The following FOXE1 variants were observed in gnomAD, a reference collection of about 807,000 sequenced individuals.
FOXE1 encodes the protein forkhead box E1.
FOXE1 carries 4 observed loss-of-function variants against 2.1 expected under a neutral mutation model. The ratio of observed to expected loss-of-function variants is 1.91; its 90% confidence interval spans 0.94 to 4.37. FOXE1 has a LOEUF of 4.37. Among genes scored for constraint, FOXE1 ranks in the 30% most tolerant of loss-of-function variants. The pLI is 0.01. For synonymous variants in FOXE1, 277 were observed against 272.4 expected (o/e 1.02, Z -0.17); for missense variants, 574 against 583.3 (o/e 0.98, Z 0.16).
In FOXE1 at chr9:97,855,166, C is replaced by A; in HGVS notation, c.*130C>A. On this transcript the variant is annotated 3_prime_UTR_variant, in exon 1 of 1. Transcript: ENST00000375123. ...GAAAAGACCGAGCAGGCCACAGAGGCTCGGTCTCCCCGCGCACAGCGTAGG... is the reference window on the plus strand; with the variant it reads ...GAAAAGACCGAGCAGGCCACAGAGGATCGGTCTCCCCGCGCACAGCGTAGG... The A allele has an allele frequency of 8.4e-7, 1 of 1,194,754 alleles. No individual in the cohort carries two copies. The highest frequency in any genetic ancestry group is 2.6e-5 in the East Asian group (1 of 39,214). 74.0% of individuals were successfully genotyped at this position (1,194,754 alleles called of 1,614,324 possible). A position where few individuals can be genotyped will look rare whatever the true frequency, so the allele number is the denominator to read the frequency against.
chr9:97,854,604 G>T lies in FOXE1; in HGVS notation c.690G>T (p.Arg230=). 1 of 1,359,600 alleles carries T rather than the reference G, an allele frequency of 7.4e-7. No individual in the cohort carries two copies. Among genetic ancestry groups the T allele is most frequent in the Non-Finnish European group, 9.4e-7 (1 of 1,062,830 alleles). 84.2% of individuals were successfully genotyped at this position (1,359,600 alleles called of 1,614,324 possible). ...GCGTCTTCGGCCTGGTTCCTGAGCG[G>T]CCGCTCAGCCCAGAGCTGGGGCCCG... is the stretch of plus-strand genomic sequence containing the variant. ...PCRVFGLVPE[R]PLSPELGPAP... is the part of the protein sequence containing the mutation. Residue 230 remains arginine (R), a synonymous_variant, in exon 1 of 1, where the codon CGG becomes CGT. Coordinates refer to ENST00000375123, the MANE Select transcript of FOXE1 (RefSeq NM_004473.4).
Position 97,853,607 on chromosome 9 carries a change from C to T in FOXE1, c.-308C>T, listed in dbSNP as rs1830619530. 2 of 327,330 alleles carry T rather than the reference C, an allele frequency of 6.1e-6. No homozygotes were observed. The highest frequency in any genetic ancestry group is 4.3e-5 in the African/African-American group (2 of 46,406). The allele number at this position is 327,330 out of a possible 1,614,324, so 20.3% of individuals were successfully genotyped here. A position where few individuals can be genotyped will look rare whatever the true frequency, so the allele number is the denominator to read the frequency against. ...ACCAGCGCGCAAGGGACCCTTCAGC[C>T]GGAGACCAGAGTCCAGTCCCGGTCA... On this transcript the variant is annotated 5_prime_UTR_variant, in exon 1 of 1. Transcript: ENST00000375123.
rs762497081 is a variant in FOXE1 at position 97,854,978 on chromosome 9, A to G, written c.1064A>G (p.His355Arg). 6.8e-6 allele frequency: 11 copies of G among 1,606,516 alleles called. No homozygotes were observed. The highest frequency in any genetic ancestry group is 8.5e-6 in the Non-Finnish European group (10 of 1,179,956). ...GGAGGGGCCAGTGCAGGCGCCTACC[A>G]TGCTCGCCATGCTGCCGCTTATCCC... is the stretch of plus-strand genomic sequence containing the variant. Reference protein sequence around the residue: ...QLGGASAGAYHARHAAAYPGG... With the variant: ...QLGGASAGAYRARHAAAYPGG... Residue 355 changes from histidine (H) to arginine (R), a missense_variant, in exon 1 of 1, where the codon CAT (histidine) becomes CGT (arginine). Coordinates refer to ENST00000375123, the MANE Select transcript of FOXE1 (RefSeq NM_004473.4).
chr9:97,856,661 C>A lies in FOXE1; in HGVS notation c.*1625C>A, dbSNP rs1341486133. The A allele has an allele frequency of 1.8e-5, 3 of 166,840 alleles. No individual in the cohort carries two copies. The East Asian group carries it at 5.8e-4, about 32-fold the overall frequency. The allele number at this position is 166,840 out of a possible 1,614,324, so 10.3% of individuals were successfully genotyped here. A position where few individuals can be genotyped will look rare whatever the true frequency, so the allele number is the denominator to read the frequency against. Reference sequence around the variant, plus strand: ...TCTCCATTAGAAATATGGTGCAAGCCACATATGTAATTTTAAATATTCTAG... The same window carrying A: ...TCTCCATTAGAAATATGGTGCAAGCAACATATGTAATTTTAAATATTCTAG... On this transcript the variant is annotated 3_prime_UTR_variant, in exon 1 of 1. Transcript: ENST00000375123.
chr9:97,854,049 C>A lies in FOXE1; in HGVS notation c.135C>A (p.Arg45=). The part of the protein sequence containing the change: ...ATGRGAGGRR[R]KRPLQRGKPP... ...GCCGCGGGGCGGGCGGGCGGCGCCG[C>A]AAGCGCCCCCTGCAGCGCGGGAAGC... is the stretch of plus-strand genomic sequence containing the variant. Residue 45 remains arginine (R), a synonymous_variant, in exon 1 of 1, where the codon CGC becomes CGA. Coordinates refer to ENST00000375123, the MANE Select transcript of FOXE1 (RefSeq NM_004473.4). 1 of 1,494,270 alleles carries A rather than the reference C, an allele frequency of 6.7e-7. No individual in the cohort carries two copies. The highest frequency in any genetic ancestry group is 1.3e-5 in the South Asian group (1 of 77,334). 92.6% of individuals were successfully genotyped at this position (1,494,270 alleles called of 1,614,324 possible).
In FOXE1 at chr9:97,853,892, C is replaced by T. The variant is rs1830623711; in HGVS notation, c.-23C>T. ...CCGACAGCCGCGGGGATCCAGAGCC[C>T]GGGGGTGCGGGACGCCCGCGCCATG... On this transcript the variant is annotated 5_prime_UTR_variant, in exon 1 of 1. Coordinates refer to ENST00000375123, the MANE Select transcript of FOXE1 (RefSeq NM_004473.4). 1 of 1,269,630 alleles carries T rather than the reference C, an allele frequency of 7.9e-7. No individual in the cohort carries two copies. The highest frequency in any genetic ancestry group is 9.9e-7 in the Non-Finnish European group (1 of 1,013,596). The allele number at this position is 1,269,630 out of a possible 1,614,324, so 78.6% of individuals were successfully genotyped here.
In FOXE1 at chr9:97,854,472, C is replaced by T; in HGVS notation, c.558C>T (p.Pro186=). The T allele has an allele frequency of 8.1e-7, 1 of 1,231,552 alleles. No individual in the cohort carries two copies. Among genetic ancestry groups the T allele is most frequent in the East Asian group, 3.3e-5 (1 of 30,294 alleles). The allele number at this position is 1,231,552 out of a possible 1,614,324, so 76.3% of individuals were successfully genotyped here. Residue 186 remains proline, a synonymous_variant, in exon 1 of 1, where the codon CCC becomes CCT. Coordinates refer to ENST00000375123, the MANE Select transcript of FOXE1 (RefSeq NM_004473.4). ...CCGCCATCTTCCCAGGCGCGGTGCC[C>T]GCCGCGCGCCCCCCCTACCCGGGCG... The part of the protein sequence containing the change: ...AAAAIFPGAV[P]AARPPYPGAV...
Position 97,855,736 on chromosome 9 carries a change from C to T in FOXE1, c.*700C>T, listed in dbSNP as rs1587809607. The T allele has an allele frequency of 6.0e-6, 1 of 167,194 alleles. No homozygotes were observed. Among genetic ancestry groups the T allele is most frequent in the African/African-American group, 2.4e-5 (1 of 41,422 alleles). The allele number at this position is 167,194 out of a possible 1,614,324, so 10.4% of individuals were successfully genotyped here. A position where few individuals can be genotyped will look rare whatever the true frequency, so the allele number is the denominator to read the frequency against. Reference sequence around the variant, plus strand: ...CGCCCCCGGGTTATCATTCAGGGCCCCATCATCTTGGATGCTGCCCTGCGT... The same window carrying T: ...CGCCCCCGGGTTATCATTCAGGGCCTCATCATCTTGGATGCTGCCCTGCGT... On this transcript the variant is annotated 3_prime_UTR_variant, in exon 1 of 1. Transcript: ENST00000375123.
rs1417993788 is a variant in FOXE1 at position 97,855,386 on chromosome 9, A to G, written c.*350A>G. The G allele has an allele frequency of 2.5e-6, 1 of 405,452 alleles. No homozygotes were observed. The highest frequency in any genetic ancestry group is 4.7e-6 in the Non-Finnish European group (1 of 210,942). 25.1% of individuals were successfully genotyped at this position (405,452 alleles called of 1,614,324 possible). On this transcript the variant is annotated 3_prime_UTR_variant, in exon 1 of 1. Coordinates refer to ENST00000375123, the MANE Select transcript of FOXE1 (RefSeq NM_004473.4). ...ACCAGGATCCAAATTGTGGGGAATC[A>G]GTTTCAGCCTTCCATGTGCTGCCGG...
chr9:97,854,764 C>G lies in FOXE1; in HGVS notation c.850C>G (p.Pro284Ala), dbSNP rs1830644833. 7 of 1,492,896 alleles carry G rather than the reference C, an allele frequency of 4.7e-6. No homozygotes were observed. The South Asian group carries it at 9.1e-5, about 20-fold the overall frequency. The allele number at this position is 1,492,896 out of a possible 1,614,324, so 92.5% of individuals were successfully genotyped here. A position where few individuals can be genotyped will look rare whatever the true frequency, so the allele number is the denominator to read the frequency against. Residue 284 changes from proline to alanine, a missense_variant, in exon 1 of 1, where the codon CCC becomes GCC. Pro to Ala is a conservative substitution (Grantham distance 27). Transcript: ENST00000375123. ...PSAYAAAYAG[P>A]DGAYPQGAGS... Reference sequence around the variant, plus strand: ...CGCCTATGCGGCTGCCTACGCGGGCCCCGACGGCGCGTACCCGCAGGGCGC... The same window carrying G: ...CGCCTATGCGGCTGCCTACGCGGGCGCCGACGGCGCGTACCCGCAGGGCGC...
rs1431868910 is a variant in FOXE1 at position 97,856,216 on chromosome 9, T to G, written c.*1180T>G. The G allele has an allele frequency of 1.2e-5, 2 of 167,000 alleles. No homozygotes were observed. Among genetic ancestry groups the G allele is most frequent in the East Asian group, 3.8e-4 (2 of 5,202 alleles). 10.3% of individuals were successfully genotyped at this position (167,000 alleles called of 1,614,324 possible). ...AATTAAGTTAGGGCAGTCAGTAAAG[T>G]GAGCTTTAGAAAGAAACTGGAATTT... On this transcript the variant is annotated 3_prime_UTR_variant, in exon 1 of 1. Transcript: ENST00000375123.
rs1485755216 is a variant in FOXE1 at position 97,856,120 on chromosome 9, GA to G, written c.*1085del. Reference sequence around the variant, plus strand: ...TTGGTGACGCCTTTCAGTAGCTGGGGAGGGCTCTTCCATCCCCAGCACCCCC... The same window carrying G: ...TTGGTGACGCCTTTCAGTAGCTGGGGGGGCTCTTCCATCCCCAGCACCCCC... On this transcript the variant is annotated 3_prime_UTR_variant, in exon 1 of 1. Coordinates refer to ENST00000375123, the MANE Select transcript of FOXE1 (RefSeq NM_004473.4). 6.0e-6 allele frequency: 1 copy of G among 166,554 alleles called. No homozygotes were observed. The highest frequency in any genetic ancestry group is 1.5e-5 in the Non-Finnish European group (1 of 68,118). 10.3% of individuals were successfully genotyped at this position (166,554 alleles called of 1,614,324 possible).
At position 97,854,569 on chromosome 9, in the gene FOXE1, G is replaced by C. The variant is rs1458855076; in HGVS notation, c.655G>C (p.Gly219Arg). Residue 219 changes from glycine to arginine, a missense_variant, in exon 1 of 1, where the codon GGC becomes CGC. Gly to Arg is a moderately radical substitution (Grantham distance 125, BLOSUM62 -2). Coordinates refer to ENST00000375123, the MANE Select transcript of FOXE1 (RefSeq NM_004473.4). ...AGTCTACTACCCCGCGGCGTCGCCCGGCCCTTGCCGCGTCTTCGGCCTGGT... is the reference window on the plus strand; with the variant it reads ...AGTCTACTACCCCGCGGCGTCGCCCCGCCCTTGCCGCGTCTTCGGCCTGGT... The part of the protein sequence containing the change: ...PPVYYPAASP[G>R]PCRVFGLVPE... 2.3e-6 allele frequency: 3 copies of C among 1,328,192 alleles called. No individual in the cohort carries two copies. Among genetic ancestry groups the C allele is most frequent in the Non-Finnish European group, 2.9e-6 (3 of 1,046,494 alleles). 82.3% of individuals were successfully genotyped at this position (1,328,192 alleles called of 1,614,324 possible). A position where few individuals can be genotyped will look rare whatever the true frequency, so the allele number is the denominator to read the frequency against.
chr9:97,853,897 G>A lies in FOXE1; in HGVS notation c.-18G>A, dbSNP rs1830623863. 3 of 1,273,686 alleles carry A rather than the reference G, an allele frequency of 2.4e-6. No homozygotes were observed. Among genetic ancestry groups the A allele is most frequent in the Non-Finnish European group, 3.0e-6 (3 of 1,015,902 alleles). The allele number at this position is 1,273,686 out of a possible 1,614,324, so 78.9% of individuals were successfully genotyped here. A position where few individuals can be genotyped will look rare whatever the true frequency, so the allele number is the denominator to read the frequency against. Reference sequence around the variant, plus strand: ...AGCCGCGGGGATCCAGAGCCCGGGGGTGCGGGACGCCCGCGCCATGACTGC... The same window carrying A: ...AGCCGCGGGGATCCAGAGCCCGGGGATGCGGGACGCCCGCGCCATGACTGC... On this transcript the variant is annotated 5_prime_UTR_variant, in exon 1 of 1. It adds an upstream start codon to the 5' untranslated region. Transcript: ENST00000375123.
At position 97,855,810 on chromosome 9, in the gene FOXE1, A is replaced by G. The variant is rs894416466; in HGVS notation, c.*774A>G. ...CCAGGGCCTCTGAGTAGCCACCCAA[A>G]GCCTAGCCGCTGTTCTAGGGAACGG... On this transcript the variant is annotated 3_prime_UTR_variant, in exon 1 of 1. Transcript: ENST00000375123. The G allele has an allele frequency of 6.0e-6, 1 of 167,076 alleles. No individual in the cohort carries two copies. Among genetic ancestry groups the G allele is most frequent in the Admixed American group, 6.5e-5 (1 of 15,292 alleles). 10.3% of individuals were successfully genotyped at this position (167,076 alleles called of 1,614,324 possible).
At position 97,855,165 on chromosome 9, in the gene FOXE1, G is replaced by C. The variant is rs1351806707; in HGVS notation, c.*129G>C. 1 of 1,216,966 alleles carries C rather than the reference G, an allele frequency of 8.2e-7. No individual in the cohort carries two copies. Among genetic ancestry groups the C allele is most frequent in the African/African-American group, 1.5e-5 (1 of 66,576 alleles). The allele number at this position is 1,216,966 out of a possible 1,614,324, so 75.4% of individuals were successfully genotyped here. ...GGAAAAGACCGAGCAGGCCACAGAG[G>C]CTCGGTCTCCCCGCGCACAGCGTAG... On this transcript the variant is annotated 3_prime_UTR_variant, in exon 1 of 1. Transcript: ENST00000375123.
rs1178062696 is a variant in FOXE1, at chr9:97,854,957, G to A, written c.1043G>A (p.Gly348Glu). 2 of 1,603,814 alleles carry A rather than the reference G, an allele frequency of 1.2e-6. No homozygotes were observed. Among genetic ancestry groups the A allele is most frequent in the African/African-American group, 1.3e-5 (1 of 75,076 alleles). ...ACYNPGGQLG[G>E]ASAGAYHARH... ...TACAACCCTGGCGGGCAGCTCGGAGGGGCCAGTGCAGGCGCCTACCATGCT... is the reference window on the plus strand; with the variant it reads ...TACAACCCTGGCGGGCAGCTCGGAGAGGCCAGTGCAGGCGCCTACCATGCT... The change falls in exon 1 of 1, where the codon GGG (glycine) becomes GAG (glutamate). Residue 348 changes from glycine to glutamate, a missense_variant. Coordinates refer to ENST00000375123, the MANE Select transcript of FOXE1 (RefSeq NM_004473.4).
Position 97,855,004 on chromosome 9 carries a change from G to C in FOXE1, c.1090G>C (p.Gly364Arg). 2 of 1,609,940 alleles carry C rather than the reference G, an allele frequency of 1.2e-6. No homozygotes were observed. The highest frequency in any genetic ancestry group is 1.7e-6 in the Non-Finnish European group (2 of 1,179,990). The stretch of plus-strand genomic sequence containing the variant: ...TGCTCGCCATGCTGCCGCTTATCCC[G>C]GTGGGATAGATCGGTTCGTGTCCGC... Reference protein sequence around the residue: ...YHARHAAAYPGGIDRFVSAM With the variant: ...YHARHAAAYPRGIDRFVSAM Residue 364 changes from glycine (G) to arginine (R), a missense_variant, in exon 1 of 1, where the codon GGT (glycine) becomes CGT (arginine). Transcript: ENST00000375123.
chr9:97,854,290 T>A lies in FOXE1; in HGVS notation c.376T>A (p.Tyr126Asn). The A allele has an allele frequency of 6.2e-7, 1 of 1,612,096 alleles. No individual in the cohort carries two copies. The highest frequency in any genetic ancestry group is 8.5e-7 in the Non-Finnish European group (1 of 1,179,400). The change falls in exon 1 of 1, where the codon TAC becomes AAC. Residue 126 changes from tyrosine to asparagine, a missense_variant. Around this residue, in one of 3 missense-constraint regions of FOXE1, gnomAD observed 249 missense variants for 269.6 expected, o/e 0.92. Transcript: ENST00000375123. ...GGCCGGCCGCCCGGGTAAGGGCAAC[T>A]ACTGGGCGCTTGACCCCAACGCGGA... The part of the protein sequence containing the change: ...REAGRPGKGN[Y>N]WALDPNAEDM...
Sources: gnomAD v4.1 joint callset for allele counts on GRCh38, gnomAD v4.1.1 for gene constraint, gnomAD v4.1.1 regional missense constraint, MANE v1.5 for transcripts, NCBI Gene and HGNC (gene_info 2026-07-23, HGNC 2026-07-21) for gene names.